The following HID1 variants were observed in gnomAD, a reference collection of about 807,000 sequenced individuals.
The protein encoded by HID1 is HID1 domain containing.
In HID1, 42 loss-of-function variants were observed where a neutral mutation model predicts 89.7. The ratio of observed to expected loss-of-function variants is 0.47; its 90% confidence interval spans 0.37 to 0.61. The LOEUF (loss-of-function observed/expected upper bound fraction) is 0.61. Among genes scored for constraint, HID1 ranks in the 20% least tolerant of loss-of-function variants. The pLI is 0.00. For synonymous variants in HID1, 442 were observed against 433.8 expected, an observed-to-expected ratio of 1.02 and a Z score of -0.24; for missense variants, 854 against 1,039.3, an observed-to-expected ratio of 0.82 and a Z score of 2.45.
At position 74,957,610 on chromosome 17, in the gene HID1, TAAA is replaced by T. The variant is rs199526829; in HGVS notation, c.1471+528_1471+530del. ...AAAAAATTGTTAAATTTTTTTTTTTTAAAAAAAGGCCAGATGCAGTGGCTCATG... is the reference window on the plus strand; with the variant it reads ...AAAAAATTGTTAAATTTTTTTTTTTTAAAAGGCCAGATGCAGTGGCTCATG... On this transcript the variant is annotated intron_variant, in intron 12 of 18. Transcript: ENST00000425042. Among the ~76,000 whole-genome samples, 424 of 137,626 alleles carry T rather than the reference TAAA, an allele frequency of 3.1e-3. 3 individuals carry two copies. Among genetic ancestry groups the T allele is most frequent in the African/African-American group, 9.0e-3 (332 of 36,876 alleles). 90.3% of individuals were successfully genotyped at this position (137,626 alleles called of 152,430 possible). A position where few individuals can be genotyped will look rare whatever the true frequency, so the allele number is the denominator to read the frequency against.
At chr17:74,963,716 C>A in intron 3 of HID1, 24 bp downstream of exon 3, 1 of 1,578,398 alleles carries the variant, frequency 6.3e-7, no homozygotes. Context: ...TGCCTCCCAC[C>A]CAGCCCTGGC....
At position 74,953,473 on chromosome 17, in the gene HID1, G is replaced by A. The variant is rs182465983; in HGVS notation, c.1971+72C>T. 691 of 1,281,370 alleles carry A rather than the reference G, an allele frequency of 5.4e-4. 3 individuals are homozygous for A. In the African/African-American group the frequency reaches 9.0e-3, roughly 17 times the overall value. The allele number at this position is 1,281,370 out of a possible 1,614,324, so 79.4% of individuals were successfully genotyped here. A position where few individuals can be genotyped will look rare whatever the true frequency, so the allele number is the denominator to read the frequency against. On this transcript the variant is annotated intron_variant, in intron 15 of 18. Transcript: ENST00000425042. ...GGTGACCCCAGAGTGCCCCGGCCCA[G>A]CCCCTACTGCAGAGACCAGGGAGGA...
intron 1 of HID1, among the ~76,000 whole-genome samples, chr17:74,968,820 A>G (rs1249276011): frequency 6.6e-6 from 1 of 152,216 alleles, no homozygotes; most frequent in Non-Finnish European, 1.5e-5. Flanking sequence ...GAAACTAAGC[A>G]CAAGCAGGCA....
chr17:74,960,803 G>A (rs1025472600), intron 6 of HID1, among the ~76,000 whole-genome samples: 5 of 152,254 alleles, frequency 3.3e-5, no homozygotes, highest in African/African-American at 7.2e-5. Flanking sequence ...AATAAGGCGT[G>A]TCATGTAGGG....
chr17:74,958,316 A>T lies in HID1; in HGVS notation c.1392+11T>A, dbSNP rs190146700. On this transcript the variant is annotated intron_variant, in intron 11 of 18. Coordinates refer to ENST00000425042, the MANE Select transcript of HID1 (RefSeq NM_030630.3). This position sits in a 1 kb window ranked among gnomAD's most constrained non-coding sequence, Gnocchi z 5.2. ...TGCACCTCCTGGGCCCGGCCGCACG[A>T]GCCCCCTCACCACAATGAGCAGGTC... 1.6e-4 allele frequency: 266 copies of T among 1,612,684 alleles called. 2 individuals carry two copies. The East Asian group carries it at 5.8e-3, about 35-fold the overall frequency.
At chr17:74,969,540 C>T (rs1243164756) in intron 1 of HID1, among the ~76,000 whole-genome samples, 1 of 152,014 alleles carries the variant, frequency 6.6e-6, no homozygotes, top group African/African-American at 2.4e-5. Context: ...GCCCCTGCTG[C>T]TAGGGCCACA....
rs564809707 is a variant in HID1, at chr17:74,958,314, C to T, written c.1392+13G>A. 38 of 1,612,456 alleles carry T rather than the reference C, an allele frequency of 2.4e-5. 1 individual carries two copies. The highest frequency in any genetic ancestry group is 1.0e-4 in the Admixed American group (6 of 59,836). ...CCTGCACCTCCTGGGCCCGGCCGCA[C>T]GAGCCCCCTCACCACAATGAGCAGG... On this transcript the variant is annotated intron_variant, in intron 11 of 18. Transcript: ENST00000425042. The surrounding 1 kb of genome is among the most constrained non-coding windows in gnomAD (Gnocchi z 5.2).
chr17:74,964,976 C>T (rs1243323208), intron 1 of HID1, among the ~76,000 whole-genome samples: 1 of 152,260 alleles, frequency 6.6e-6, no homozygotes, highest in East Asian at 1.9e-4. Flanking sequence ...CCCCAGGCCA[C>T]ACCATTAGGT....
chr17:74,962,453 T>C lies in HID1; in HGVS notation c.505-113A>G, dbSNP rs2039497192. 3 of 632,758 alleles carry C rather than the reference T, an allele frequency of 4.7e-6. No homozygotes were observed. The highest frequency in any genetic ancestry group is 2.9e-5 in the Admixed American group (1 of 34,458). The allele number at this position is 632,758 out of a possible 1,614,324, so 39.2% of individuals were successfully genotyped here. On this transcript the variant is annotated intron_variant, in intron 4 of 18. Coordinates refer to ENST00000425042, the MANE Select transcript of HID1 (RefSeq NM_030630.3). This position sits in a 1 kb window ranked among gnomAD's most constrained non-coding sequence, Gnocchi z 4.3. ...CAGTCCCAGGGGCAGAGACCGCCAG[T>C]TCTCCTAAAGACAGGTCCTCAAAAT...
rs2039486259 is a variant in HID1 at position 74,961,866 on chromosome 17, C to G, written c.728+7G>C. On this transcript the variant is annotated splice_region_variant and intron_variant, in intron 6 of 18. Coordinates refer to ENST00000425042, the MANE Select transcript of HID1 (RefSeq NM_030630.3). ...AAGAGAGCGCAGAAAGGCCAAGGGC[C>G]CTTCACCTGTTCTCCGTGGAACAAA... is the stretch of plus-strand genomic sequence containing the variant. The G allele has an allele frequency of 6.8e-7, 1 of 1,480,328 alleles. No homozygotes were observed. The highest frequency in any genetic ancestry group is 1.8e-5 in the African/African-American group (1 of 54,612). 91.7% of individuals were successfully genotyped at this position (1,480,328 alleles called of 1,614,324 possible).
rs796229184 is a variant in HID1, at chr17:74,961,377, C to T, written c.728+496G>A. On this transcript the variant is annotated intron_variant, in intron 6 of 18. Transcript: ENST00000425042. Reference sequence around the variant, plus strand: ...CCGCCTCCCGGGTTCAAGCGATTCTCGTGCCTCAGCCTCCCGAGTAGCTGG... The same window carrying T: ...CCGCCTCCCGGGTTCAAGCGATTCTTGTGCCTCAGCCTCCCGAGTAGCTGG... Among the ~76,000 whole-genome samples, 9 of 152,116 alleles carry T rather than the reference C, an allele frequency of 5.9e-5. 1 individual carries two copies. The highest frequency in any genetic ancestry group is 2.2e-4 in the African/African-American group (9 of 41,500).
Position 74,958,113 on chromosome 17 carries a change from G to A in HID1, c.1471+28C>T, listed in dbSNP as rs752693232. ...GGCCTGACACCACCTGGTGGTGAGCGCGGGGAGTGCAAGCTCCGGGCCCCT... is the reference window on the plus strand; with the variant it reads ...GGCCTGACACCACCTGGTGGTGAGCACGGGGAGTGCAAGCTCCGGGCCCCT... On this transcript the variant is annotated intron_variant, in intron 12 of 18. Coordinates refer to ENST00000425042, the MANE Select transcript of HID1 (RefSeq NM_030630.3). The surrounding 1 kb of genome is among the most constrained non-coding windows in gnomAD (Gnocchi z 5.2). The A allele has an allele frequency of 2.0e-5, 31 of 1,574,296 alleles. No homozygotes were observed. The highest frequency in any genetic ancestry group is 7.0e-5 in the East Asian group (3 of 42,952).
intron 1 of HID1, among the ~76,000 whole-genome samples, chr17:74,967,551 A>C (rs146885984): frequency 0.019 from 2,946 of 151,802 alleles, 62 homozygotes; most frequent in African/African-American, 0.06. Flanking sequence ...AAAAATAAAA[A>C]ATATAATAAT....
rs143354711 is a variant in HID1 at position 74,958,381 on chromosome 17, G to T, written c.1338C>A (p.Arg446=). Reference sequence around the variant, plus strand: ...TGAAGACTGGGATGTCCATGGGCACGCGGATTGAGTAGGGTTTGTTCAGCC... The same window carrying T: ...TGAAGACTGGGATGTCCATGGGCACTCGGATTGAGTAGGGTTTGTTCAGCC... ...GVRLNKPYSI[R]VPMDIPVFTG... The change falls in exon 11 of 19, where the codon CGC becomes CGA. Residue 446 remains arginine (R), a synonymous_variant. Coordinates refer to ENST00000425042, the MANE Select transcript of HID1 (RefSeq NM_030630.3). The surrounding 1 kb of genome is among the most constrained non-coding windows in gnomAD (Gnocchi z 5.2). 6.2e-7 allele frequency: 1 copy of T among 1,612,548 alleles called. No individual in the cohort carries two copies. The highest frequency in any genetic ancestry group is 1.3e-5 in the African/African-American group (1 of 75,016).
rs1297652710 is a variant in HID1, at chr17:74,962,634, G to T, written c.505-294C>A. Among the ~76,000 whole-genome samples the T allele has an allele frequency of 6.6e-6, 1 of 152,178 alleles. No individual in the cohort carries two copies. Among genetic ancestry groups the T allele is most frequent in the Non-Finnish European group, 1.5e-5 (1 of 68,022 alleles). On this transcript the variant is annotated intron_variant, in intron 4 of 18. Coordinates refer to ENST00000425042, the MANE Select transcript of HID1 (RefSeq NM_030630.3). This position sits in a 1 kb window ranked among gnomAD's most constrained non-coding sequence, Gnocchi z 4.3. The stretch of plus-strand genomic sequence containing the variant: ...GCAGGGGATTGGGTGCCCCGGGTTT[G>T]GGGGTGGGCAGAGAAGACTCAAGGT...
At position 74,958,348 on chromosome 17, in the gene HID1, G is replaced by A. The variant is rs764304315; in HGVS notation, c.1371C>T (p.Thr457=). The A allele has an allele frequency of 5.6e-6, 9 of 1,613,120 alleles. No homozygotes were observed. Among genetic ancestry groups the A allele is most frequent in the African/African-American group, 2.7e-5 (2 of 74,892 alleles). Residue 457 remains threonine, a synonymous_variant, in exon 11 of 19, where the codon ACC becomes ACT. Coordinates refer to ENST00000425042, the MANE Select transcript of HID1 (RefSeq NM_030630.3). This position sits in a 1 kb window ranked among gnomAD's most constrained non-coding sequence, Gnocchi z 5.2. ...VPMDIPVFTG[T]HADLLIVVFH... is the part of the protein sequence containing the mutation. ...TCACCACAATGAGCAGGTCGGCGTGGGTCCCTGTGAAGACTGGGATGTCCA... is the reference window on the plus strand; with the variant it reads ...TCACCACAATGAGCAGGTCGGCGTGAGTCCCTGTGAAGACTGGGATGTCCA...
intron 1 of HID1, among the ~76,000 whole-genome samples, chr17:74,971,884 C>T (rs965313206): frequency 7.9e-5 from 12 of 152,156 alleles, no homozygotes; most frequent in African/African-American, 2.9e-4. Context: ...GGGTCCCCAT[C>T]CCTGAGCCAG....
chr17:74,967,152 G>A (rs530273381), intron 1 of HID1, among the ~76,000 whole-genome samples: 10 of 151,874 alleles, frequency 6.6e-5, no homozygotes, highest in Non-Finnish European at 1.2e-4. Context: ...GGCAGAAATC[G>A]CTTGAACTCG....
chr17:74,953,038 CTGA>C lies in HID1; in HGVS notation c.2017_2019del (p.Ser673del). ...GGCGTTGGGCTCCACTGCCCACTGG[CTGA>C]TGAGGTGGACGGTCGCCGCTGCTCC... On this transcript the variant is annotated inframe_deletion, in exon 16 of 19. Coordinates refer to ENST00000425042, the MANE Select transcript of HID1 (RefSeq NM_030630.3). 6.2e-7 allele frequency: 1 copy of C among 1,609,646 alleles called. No homozygotes were observed. Among genetic ancestry groups the C allele is most frequent in the Non-Finnish European group, 8.5e-7 (1 of 1,178,752 alleles).
Sources: allele counts gnomAD v4.1 joint callset (sites outside exome capture counted in the v4.1 genomes callset), GRCh38; gene constraint gnomAD v4.1.1; non-coding constraint Gnocchi (gnomAD v3.1); transcripts MANE v1.5; gene names NCBI Gene and HGNC (gene_info 2026-07-23, HGNC 2026-07-21).